Variants in DPAGT1 observed in about 807,000 individuals in gnomAD.
DPAGT1 encodes the protein dolichyl-phosphate N-acetylglucosaminephosphotransferase 1, also known as UDP-N-acetylglucosamine--dolichyl-phosphate N-acetylglucosaminephosphotransferase.
DPAGT1 carries 25 observed loss-of-function variants against 39.3 expected under a neutral mutation model. The observed-to-expected ratio is 0.64, with a 90% CI of 0.46 to 0.89. The LOEUF is 0.89. Ranked by LOEUF, DPAGT1 falls within the 40% of genes least tolerant of loss-of-function variation. DPAGT1 has a pLI of 0.00. For synonymous variants in DPAGT1, 193 were observed against 201.4 expected (o/e 0.96, Z 0.36); for missense variants, 381 against 500.6 (o/e 0.76, Z 2.28).
At chr11:119,095,519 G>A (rs945285001), downstream of DPAGT1, 12 of 1,074,670 alleles carry the variant, frequency 1.1e-5, no homozygotes, top group African/African-American at 4.9e-5. Flanking sequence ...ACACCTCTGC[G>A]CCCTCCTGAT....
Position 119,101,109 on chromosome 11 carries a change from G to A in DPAGT1, c.191C>T (p.Ala64Val), listed in dbSNP as rs913219078. 1.9e-6 allele frequency: 3 copies of A among 1,614,150 alleles called. No homozygotes were observed. Among genetic ancestry groups the A allele is most frequent in the Non-Finnish European group, 2.5e-6 (3 of 1,180,048 alleles). Residue 64 changes from alanine (A) to valine (V), a missense_variant, in exon 2 of 9, where the codon GCT (alanine) becomes GTT (valine). Ala to Val is a moderately conservative substitution (Grantham distance 64). Transcript: ENST00000354202. ...IPESQGVISG[A>V]VFLIILFCFI... ...GCAGAAGAGGATGATAAGGAAAACA[G>A]CACCGCTGATCACTCCCTGGGATTC...
At chr11:119,096,044 C>T (rs960876768), downstream of DPAGT1, among the ~76,000 whole-genome samples, 1 of 152,140 alleles carries the variant, frequency 6.6e-6, no homozygotes, top group Non-Finnish European at 1.5e-5. Flanking sequence ...CAGCTCACTG[C>T]AGCCTCGAAC....
rs539220035 is a variant in DPAGT1, at chr11:119,097,849, G to A, written c.917+6C>T. 12 of 1,613,968 alleles carry A rather than the reference G, an allele frequency of 7.4e-6. No homozygotes were observed. The highest frequency in any genetic ancestry group is 6.7e-5 in the Admixed American group (4 of 60,022). On this transcript the variant is annotated splice_donor_region_variant and intron_variant, in intron 6 of 8. Coordinates refer to ENST00000354202, the MANE Select transcript of DPAGT1 (RefSeq NM_001382.4). This position sits in a 1 kb window ranked among gnomAD's most constrained non-coding sequence, Gnocchi z 4.6. The stretch of plus-strand genomic sequence containing the variant: ...TGATGTCCATTTCAAGCCAAAAAGC[G>A]GCTACCTGGGTATGCGGTGGCGAGG...
rs768307038 is a variant in DPAGT1 at position 119,100,245 on chromosome 11, C to G, written c.643+17G>C. The G allele has an allele frequency of 5.6e-6, 9 of 1,613,982 alleles. No homozygotes were observed. In the African/African-American group the frequency reaches 1.2e-4, roughly 22 times the overall value. On this transcript the variant is annotated intron_variant, in intron 4 of 8. Transcript: ENST00000354202. ...TAACACTCAGACTTCTCTCTCCCCA[C>G]CCCCAATCCCACCTACCTTCCAACT... is the stretch of plus-strand genomic sequence containing the variant.
downstream of DPAGT1, chr11:119,094,840 C>G (rs1946363238): frequency 1.9e-6 from 2 of 1,073,156 alleles, no homozygotes; most frequent in Non-Finnish European, 2.6e-6. Context: ...GGAAGGGAGC[C>G]GCGGCCCGCT....
rs534090822 is a variant in DPAGT1 at position 119,100,929 on chromosome 11, G to A, written c.283-86C>T. On this transcript the variant is annotated intron_variant, in intron 2 of 8. Transcript: ENST00000354202. ...TCCTGTCTTTTCTGATAATTTCTTAGCCCCTCCCCACAAGCCCAAATAACC... is the reference window on the plus strand; with the variant it reads ...TCCTGTCTTTTCTGATAATTTCTTAACCCCTCCCCACAAGCCCAAATAACC... The A allele has an allele frequency of 5.1e-5, 83 of 1,613,548 alleles. 2 individuals carry two copies. The South Asian group carries it at 8.9e-4, about 17-fold the overall frequency.
chr11:119,097,776 C>A lies in DPAGT1; in HGVS notation c.917+79G>T. On this transcript the variant is annotated intron_variant, in intron 6 of 8. Coordinates refer to ENST00000354202, the MANE Select transcript of DPAGT1 (RefSeq NM_001382.4). The surrounding 1 kb of genome is among the most constrained non-coding windows in gnomAD (Gnocchi z 4.6). The stretch of plus-strand genomic sequence containing the variant: ...CCCTTCTTTGGGCCCACTCCCTTTG[C>A]ACAGCAAATGTATAGGCTGGCATTA... 1 of 1,594,026 alleles carries A rather than the reference C, an allele frequency of 6.3e-7. No homozygotes were observed. Among genetic ancestry groups the A allele is most frequent in the Non-Finnish European group, 8.6e-7 (1 of 1,163,182 alleles).
Position 119,097,112 on chromosome 11 carries a change from CG to C in DPAGT1, c.1161+29del. 1.9e-6 allele frequency: 3 copies of C among 1,614,178 alleles called. No individual in the cohort carries two copies. The highest frequency in any genetic ancestry group is 2.5e-6 in the Non-Finnish European group (3 of 1,180,042). On this transcript the variant is annotated intron_variant, in intron 8 of 8. Transcript: ENST00000354202. The surrounding 1 kb of genome is among the most constrained non-coding windows in gnomAD (Gnocchi z 4.6). ...TAAGAATCACGCAGAAAGGGAGACA[CG>C]GAGGTATAAACTCGATTCCCATCCT...
At chr11:119,094,868 C>G (rs1263858555), downstream of DPAGT1, 2 of 1,282,804 alleles carry the variant, frequency 1.6e-6, no homozygotes, top group African/African-American at 1.5e-5. Flanking sequence ...CAGTCTGAAG[C>G]GGCTCAGCTC....
At chr11:119,101,376 G>C in intron 1 of DPAGT1, 119 bp downstream of exon 1, 1 of 1,581,410 alleles carries the variant, frequency 6.3e-7, no homozygotes, top group Non-Finnish European at 8.6e-7. Context: ...CCGAGTTCCA[G>C]GCTGCCTGGG....
downstream of DPAGT1, among the ~76,000 whole-genome samples, chr11:119,096,142 T>C (rs934201166): frequency 1.3e-5 from 2 of 152,132 alleles, no homozygotes; most frequent in African/African-American, 4.8e-5. Flanking sequence ...TATTTTATTT[T>C]TGTAGAGACG....
chr11:119,096,975 G>A lies in DPAGT1; in HGVS notation c.*23C>T. On this transcript the variant is annotated 3_prime_UTR_variant, in exon 9 of 9. Coordinates refer to ENST00000354202, the MANE Select transcript of DPAGT1 (RefSeq NM_001382.4). ...AGTCAGGAATCCTAGAGACTGTGAG[G>A]TAAAGGACAATGATCAAGGGACTCA... The A allele has an allele frequency of 6.2e-7, 1 of 1,613,722 alleles. No homozygotes were observed. Among genetic ancestry groups the A allele is most frequent in the South Asian group, 1.1e-5 (1 of 91,022 alleles).
downstream of DPAGT1, chr11:119,094,190 C>G (rs762986446): frequency 9.8e-5 from 15 of 152,694 alleles, no homozygotes; most frequent in Non-Finnish European, 1.0e-4. Context: ...CCTAAATGTC[C>G]TCCTAGGAGG....
downstream of DPAGT1, chr11:119,094,760 G>A: frequency 1.8e-6 from 1 of 568,948 alleles, no homozygotes; most frequent in Non-Finnish European, 3.0e-6. Context: ...GCGGCAGGCG[G>A]TGCGGGACGG....
Position 119,098,965 on chromosome 11 carries a change from G to A in DPAGT1, c.644-478C>T, listed in dbSNP as rs1365869954. On this transcript the variant is annotated intron_variant, in intron 4 of 8. Coordinates refer to ENST00000354202, the MANE Select transcript of DPAGT1 (RefSeq NM_001382.4). ...TCTATAGTTCAAAGCTAGGTTTAAT[G>A]ACTTGTTGTAAAAAGGGAGACTTCA... is the stretch of plus-strand genomic sequence containing the variant. Among the ~76,000 whole-genome samples the A allele has an allele frequency of 2.6e-5, 4 of 152,214 alleles. No homozygotes were observed. The East Asian group carries it at 7.7e-4, about 29-fold the overall frequency.
In DPAGT1 at chr11:119,097,116, G is replaced by C. The variant is rs779430466; in HGVS notation, c.1161+26C>G. ...AATCACGCAGAAAGGGAGACACGGA[G>C]GTATAAACTCGATTCCCATCCTCAC... is the stretch of plus-strand genomic sequence containing the variant. On this transcript the variant is annotated intron_variant, in intron 8 of 8. Coordinates refer to ENST00000354202, the MANE Select transcript of DPAGT1 (RefSeq NM_001382.4). The surrounding 1 kb of genome is among the most constrained non-coding windows in gnomAD (Gnocchi z 4.6). 1.2e-6 allele frequency: 2 copies of C among 1,614,226 alleles called. No homozygotes were observed. Among genetic ancestry groups the C allele is most frequent in the South Asian group, 2.2e-5 (2 of 91,086 alleles).
In DPAGT1 at chr11:119,101,808, C is replaced by T. The variant is rs1946516637; in HGVS notation, c.-153G>A. 3.3e-6 allele frequency: 5 copies of T among 1,517,430 alleles called. No individual in the cohort carries two copies. Among genetic ancestry groups the T allele is most frequent in the African/African-American group, 2.8e-5 (2 of 72,414 alleles). 94.0% of individuals were successfully genotyped at this position (1,517,430 alleles called of 1,614,324 possible). A position where few individuals can be genotyped will look rare whatever the true frequency, so the allele number is the denominator to read the frequency against. On this transcript the variant is annotated 5_prime_UTR_variant, in exon 1 of 9. Transcript: ENST00000354202. The stretch of plus-strand genomic sequence containing the variant: ...CAAAACCCAGCAACTCTGACTTGAG[C>T]CGCCGTCGGGACACCGGGGAACCTC...
chr11:119,100,489 C>T (rs992739096), intron 3 of DPAGT1, 81 bp from the exon 4 acceptor site: 6 of 1,606,442 alleles, frequency 3.7e-6, no homozygotes, highest in African/African-American at 2.7e-5. Context: ...GTGGTGAGGA[C>T]GGACGATAGG....
At chr11:119,095,411 G>A (rs751911129), downstream of DPAGT1, 7 of 1,514,804 alleles carry the variant, frequency 4.6e-6, no homozygotes, top group Admixed American at 2.3e-5. Flanking sequence ...GAGGTAGACC[G>A]GTGAAGCACG....
Sources: gnomAD v4.1 joint callset for allele counts (sites outside exome capture counted in the v4.1 genomes callset) on GRCh38, gnomAD v4.1.1 for gene constraint, Gnocchi (gnomAD v3.1) non-coding constraint, MANE v1.5 for transcripts, NCBI Gene and HGNC (gene_info 2026-07-23, HGNC 2026-07-21) for gene names.